Variants in CELF5 observed in about 807,000 individuals in gnomAD.
CELF5 encodes CUG-BP and ETR-3 like factor 5.
Under a neutral mutation model 54.9 loss-of-function variants are expected in CELF5, and 6 were observed. The observed-to-expected ratio is 0.11, with a 90% CI of 0.06 to 0.22. The LOEUF is 0.22. Among genes scored for constraint, CELF5 ranks in the 10% least tolerant of loss-of-function variants. The pLI is 1.00. For synonymous variants in CELF5, 271 were observed against 290.9 expected (o/e 0.93, Z 0.70); for missense variants, 401 against 678.6 (o/e 0.59, Z 4.54).
chr19:3,256,003 T>C lies in CELF5; in HGVS notation c.342+4936T>C, dbSNP rs1429215313. 2.7e-5 allele frequency among the ~76,000 whole-genome samples: 4 copies of C among 148,284 alleles called. No individual in the cohort carries two copies. In the Admixed American group the frequency reaches 2.8e-4, roughly 10 times the overall value. On this transcript the variant is annotated intron_variant, in intron 2 of 12. Coordinates refer to ENST00000292672, the MANE Select transcript of CELF5 (RefSeq NM_021938.4). ...TCACTTGAACCCAGGAGGCAGAGGT[T>C]GCAGTGAGCCAAGATCACGCCTCTG...
chr19:3,250,696 C>G (rs1421361108), intron 1 of CELF5, among the ~76,000 whole-genome samples: 1 of 152,098 alleles, frequency 6.6e-6, no homozygotes, highest in African/African-American at 2.4e-5. Context: ...TCTGATGACT[C>G]TAGGGACCTC....
chr19:3,258,137 T>C (rs10416350), intron 2 of CELF5, among the ~76,000 whole-genome samples: 18,564 of 151,984 alleles, frequency 0.12, 1,165 homozygotes, highest in African/African-American at 0.14. Flanking sequence ...TTTGTATTTT[T>C]AGTAGAGATG....
intron 2 of CELF5, among the ~76,000 whole-genome samples, chr19:3,261,715 G>T (rs2079808914): frequency 6.6e-6 from 1 of 152,020 alleles, no homozygotes; most frequent in African/African-American, 2.4e-5. Context: ...CAACCACCTG[G>T]GAGGCTGAGA....
chr19:3,278,914 A>T lies in CELF5; in HGVS notation c.603+804A>T, dbSNP rs1280702672. On this transcript the variant is annotated intron_variant, in intron 5 of 12. Coordinates refer to ENST00000292672, the MANE Select transcript of CELF5 (RefSeq NM_021938.4). The surrounding 1 kb of genome is among the most constrained non-coding windows in gnomAD (Gnocchi z 4.5). The stretch of plus-strand genomic sequence containing the variant: ...GAAAGGCTGGGAGGTGGCAACAGGT[A>T]GCCCAGAGGAGCCATAGAAGATGGG... 1.3e-5 allele frequency among the ~76,000 whole-genome samples: 2 copies of T among 152,184 alleles called. No homozygotes were observed. The highest frequency in any genetic ancestry group is 4.8e-5 in the African/African-American group (2 of 41,432).
intron 2 of CELF5, among the ~76,000 whole-genome samples, chr19:3,252,516 G>A (rs1437198169): frequency 6.6e-6 from 1 of 152,202 alleles, no homozygotes; most frequent in Non-Finnish European, 1.5e-5. Context: ...GGGGCAGGGA[G>A]CTCACCCTTC....
At chr19:3,267,795 C>T (rs1039645353) in intron 2 of CELF5, among the ~76,000 whole-genome samples, 5 of 135,690 alleles carry the variant, frequency 3.7e-5, no homozygotes. Context: ...CCTGAAACCC[C>T]TCTCTGTGCA....
In CELF5 at chr19:3,289,681, C is replaced by CAAAAAAAAA. The variant is rs35144942; in HGVS notation, c.1187-524_1187-516dup. On this transcript the variant is annotated intron_variant, in intron 10 of 12. Transcript: ENST00000292672. ...TGGGCGACAGAGCGAGACTCCATCT[C>CAAAAAAAAA]AAAAAAAAAAAAAAAAAAAAAAAAA... is the stretch of plus-strand genomic sequence containing the variant. Among the ~76,000 whole-genome samples, 153 of 47,134 alleles carry CAAAAAAAAA rather than the reference C, an allele frequency of 3.2e-3. 27 individuals carry two copies. The highest frequency in any genetic ancestry group is 6.5e-3 in the African/African-American group (65 of 10,012). The allele number at this position is 47,134 out of a possible 152,430, so 30.9% of individuals were successfully genotyped here. A position where few individuals can be genotyped will look rare whatever the true frequency, so the allele number is the denominator to read the frequency against.
intron 2 of CELF5, among the ~76,000 whole-genome samples, chr19:3,257,290 T>G: frequency 2.0e-5 from 3 of 149,510 alleles, no homozygotes; most frequent in African/African-American, 2.5e-5. Flanking sequence ...GTCAGAGGAG[T>G]GAAGAAGAGT....
In CELF5 at chr19:3,278,143, G is replaced by A; in HGVS notation, c.603+33G>A. On this transcript the variant is annotated intron_variant, in intron 5 of 12. Transcript: ENST00000292672. This position sits in a 1 kb window ranked among gnomAD's most constrained non-coding sequence, Gnocchi z 4.5. Reference sequence around the variant, plus strand: ...GGAGCTGCCCTTGGCCGTGGGGGTGGGGGTGGGAAAGGGGTGAGGGGGACA... The same window carrying A: ...GGAGCTGCCCTTGGCCGTGGGGGTGAGGGTGGGAAAGGGGTGAGGGGGACA... 3 of 1,480,884 alleles carry A rather than the reference G, an allele frequency of 2.0e-6. No homozygotes were observed. Among genetic ancestry groups the A allele is most frequent in the Non-Finnish European group, 2.8e-6 (3 of 1,070,652 alleles). 91.7% of individuals were successfully genotyped at this position (1,480,884 alleles called of 1,614,324 possible). A position where few individuals can be genotyped will look rare whatever the true frequency, so the allele number is the denominator to read the frequency against.
At chr19:3,232,963 A>G (rs1320736538) in intron 1 of CELF5, among the ~76,000 whole-genome samples, 1 of 151,558 alleles carries the variant, frequency 6.6e-6, no homozygotes, top group Non-Finnish European at 1.5e-5. Context: ...AATCCCAGCT[A>G]CTCGGGAGGC....
chr19:3,237,090 A>G (rs748470708), intron 1 of CELF5, among the ~76,000 whole-genome samples: 73 of 151,090 alleles, frequency 4.8e-4, no homozygotes, highest in Non-Finnish European at 8.4e-4. Context: ...AGACGGGTGG[A>G]TCACGAGGTC....
intron 1 of CELF5, among the ~76,000 whole-genome samples, chr19:3,231,242 G>C (rs1917237418): frequency 6.6e-6 from 1 of 152,194 alleles, no homozygotes; most frequent in Admixed American, 6.5e-5. Context: ...GGATGAACAA[G>C]GGCATGAGGA....
intron 2 of CELF5, among the ~76,000 whole-genome samples, chr19:3,263,601 A>G (rs2079837486): frequency 1.3e-5 from 2 of 150,810 alleles, no homozygotes; most frequent in Admixed American, 6.6e-5. Context: ...TATTTCTTAA[A>G]CTATTTAAAA....
intron 5 of CELF5, among the ~76,000 whole-genome samples, chr19:3,279,483 G>A (rs1198869447): frequency 2.6e-5 from 4 of 152,188 alleles, no homozygotes; most frequent in African/African-American, 9.7e-5. Flanking sequence ...CAAGCTCAGA[G>A]ATGTCCCAGG....
intron 1 of CELF5, among the ~76,000 whole-genome samples, chr19:3,239,132 C>G (rs1568332065): frequency 6.6e-6 from 1 of 152,010 alleles, no homozygotes; most frequent in Admixed American, 6.6e-5. Context: ...CAGGGTCTCA[C>G]TTTGTCACCC....
chr19:3,244,926 C>A (rs1048392742), intron 1 of CELF5, among the ~76,000 whole-genome samples: 3 of 116,894 alleles, frequency 2.6e-5, no homozygotes, highest in Admixed American at 1.8e-4. Context: ...TACATCTGTA[C>A]GTGTGTGTGT....
At chr19:3,289,742 AGAGTTTTACAAAT>A (rs529265844) in intron 10 of CELF5, among the ~76,000 whole-genome samples, 8 of 149,104 alleles carry the variant, frequency 5.4e-5, no homozygotes, top group African/African-American at 9.9e-5. Flanking sequence ...GCTGAACACC[AGAGTTTTACAAAT>A]GAGTTTTATT....
intron 1 of CELF5, chr19:3,225,647 C>T: frequency 1.0e-6 from 1 of 963,678 alleles, no homozygotes; most frequent in African/African-American, 1.8e-5. Context: ...GGGTTGGGGG[C>T]GCCCGGCTCG....
chr19:3,286,123 G>A (rs1010258673), intron 10 of CELF5, 98 bp downstream of exon 10: 2 of 1,088,580 alleles, frequency 1.8e-6, no homozygotes, highest in Non-Finnish European at 2.5e-6. Context: ...TGGGACCCGC[G>A]GGGCTGAGAG....
Sources: gnomAD v4.1 joint callset for allele counts (sites outside exome capture counted in the v4.1 genomes callset) on GRCh38, gnomAD v4.1.1 for gene constraint, Gnocchi (gnomAD v3.1) non-coding constraint, MANE v1.5 for transcripts, NCBI Gene and HGNC (gene_info 2026-07-23, HGNC 2026-07-21) for gene names.